The following CDKAL1 variants were observed in gnomAD, a reference collection of about 807,000 sequenced individuals.
CDKAL1 encodes the protein CDKAL1 threonylcarbamoyladenosine tRNA methylthiotransferase.
CDKAL1 carries 32 observed loss-of-function variants against 68.2 expected under a neutral mutation model. The observed-to-expected ratio is 0.47, with a 90% CI of 0.35 to 0.63. The LOEUF (loss-of-function observed/expected upper bound fraction) is 0.63, where lower values mean the gene tolerates loss of function less well. CDKAL1 is among the 30% of genes least tolerant of loss of function. The probability of loss-of-function intolerance (pLI) is 0.00; values close to 1 mark genes in which losing one functional copy is unlikely to be tolerated. For synonymous variants in CDKAL1, 234 were observed against 244.3 expected (o/e 0.96, Z 0.39); for missense variants, 606 against 696.7 (o/e 0.87, Z 1.47).
intron 4 of CDKAL1, among the ~76,000 whole-genome samples, chr6:20,605,674 A>G (rs997242387): frequency 6.6e-6 from 1 of 152,208 alleles, no homozygotes; most frequent in Admixed American, 6.5e-5. Context: ...AGCCATGCTC[A>G]GTCAAGGGCT....
At chr6:20,728,332 A>G (rs1772747282) in intron 5 of CDKAL1, among the ~76,000 whole-genome samples, 1 of 152,202 alleles carries the variant, frequency 6.6e-6, no homozygotes, top group African/African-American at 2.4e-5. Flanking sequence ...ATCATATATA[A>G]AAGGAAGTTG....
intron 4 of CDKAL1, among the ~76,000 whole-genome samples, chr6:20,556,942 G>A (rs1218489095): frequency 1.3e-5 from 2 of 151,720 alleles, no homozygotes; most frequent in Non-Finnish European, 2.9e-5. Context: ...GGAGGCTGAG[G>A]CAGGAGAATG....
intron 11 of CDKAL1, 77 bp downstream of exon 11, chr6:21,000,449 A>T (rs1767368565): frequency 7.8e-7 from 1 of 1,274,858 alleles, no homozygotes; most frequent in Non-Finnish European, 1.1e-6. Context: ...CACTTATTGC[A>T]GCCTTACAAT....
intron 5 of CDKAL1, among the ~76,000 whole-genome samples, chr6:20,687,362 C>A (rs1770673439): frequency 6.6e-6 from 1 of 151,968 alleles, no homozygotes; most frequent in Non-Finnish European, 1.5e-5. Flanking sequence ...TAGATATAGG[C>A]CTATTCACAT....
chr6:20,708,881 A>G (rs1244379538), intron 5 of CDKAL1, among the ~76,000 whole-genome samples: 2 of 152,066 alleles, frequency 1.3e-5, no homozygotes, highest in Non-Finnish European at 2.9e-5. Flanking sequence ...CTTGAGTGAC[A>G]GAGTTTACCA....
In CDKAL1 at chr6:20,542,718, T is replaced by C. The variant is rs565359808; in HGVS notation, c.-5-3628T>C. ...TGCAAAACTACAATACAATACAGTA[T>C]CACAACCAGGATATTGACATTGATA... On this transcript the variant is annotated intron_variant, in intron 2 of 15. Coordinates refer to ENST00000274695, the MANE Select transcript of CDKAL1 (RefSeq NM_017774.3). 3.3e-5 allele frequency among the ~76,000 whole-genome samples: 5 copies of C among 152,304 alleles called. No individual in the cohort carries two copies. The East Asian group carries it at 5.8e-4, about 18-fold the overall frequency.
intron 5 of CDKAL1, among the ~76,000 whole-genome samples, chr6:20,720,862 T>C (rs1772317536): frequency 1.3e-5 from 2 of 152,242 alleles, no homozygotes; most frequent in Non-Finnish European, 2.9e-5. Context: ...ATATGTGATA[T>C]TTGTCTTTTT....
intron 4 of CDKAL1, among the ~76,000 whole-genome samples, chr6:20,561,247 G>A (rs1464450068): frequency 6.6e-6 from 1 of 151,864 alleles, no homozygotes; most frequent in Non-Finnish European, 1.5e-5. Context: ...TTCGAGACCA[G>A]CCTGGCCAAC....
At chr6:21,181,255 A>G (rs971462051) in intron 13 of CDKAL1, among the ~76,000 whole-genome samples, 1 of 152,224 alleles carries the variant, frequency 6.6e-6, no homozygotes, top group Non-Finnish European at 1.5e-5. Flanking sequence ...CACTCTTACA[A>G]TGGCACTTAA....
intron 7 of CDKAL1, among the ~76,000 whole-genome samples, chr6:20,770,663 T>C (rs1278063860): frequency 2.6e-5 from 4 of 152,204 alleles, no homozygotes; most frequent in African/African-American, 9.6e-5. Flanking sequence ...TCATACATTA[T>C]TTTTAGGAGC....
chr6:20,965,922 C>T (rs779021253), intron 10 of CDKAL1, among the ~76,000 whole-genome samples: 2 of 152,216 alleles, frequency 1.3e-5, no homozygotes, highest in Non-Finnish European at 1.5e-5. Context: ...AGGCAATCCA[C>T]GTAGTTTCCT....
chr6:20,665,514 A>C (rs1769492034), intron 5 of CDKAL1, among the ~76,000 whole-genome samples: 1 of 152,122 alleles, frequency 6.6e-6, no homozygotes, highest in African/African-American at 2.4e-5. Context: ...TTGGTGATCT[A>C]GTGATGCACC....
At chr6:21,026,370 C>T (rs1036472558) in intron 11 of CDKAL1, among the ~76,000 whole-genome samples, 1 of 152,000 alleles carries the variant, frequency 6.6e-6, no homozygotes, top group South Asian at 2.1e-4. Context: ...GATTTGGAGT[C>T]AAGAAATAAG....
At chr6:20,536,965 T>A (rs1763197956) in intron 2 of CDKAL1, among the ~76,000 whole-genome samples, 1 of 152,204 alleles carries the variant, frequency 6.6e-6, no homozygotes, top group Admixed American at 6.5e-5. Context: ...TAAAAGATAT[T>A]GATGCCCAGG....
At chr6:21,111,863 CCTT>C (rs1469794932) in intron 13 of CDKAL1, among the ~76,000 whole-genome samples, 2 of 152,136 alleles carry the variant, frequency 1.3e-5, no homozygotes, top group African/African-American at 4.8e-5. Flanking sequence ...ATTTATCTGT[CCTT>C]CTAAAAGAGA....
chr6:21,143,931 T>C (rs1275565546), intron 13 of CDKAL1, among the ~76,000 whole-genome samples: 1 of 152,068 alleles, frequency 6.6e-6, no homozygotes, highest in African/African-American at 2.4e-5. Context: ...CTGAGTAGCC[T>C]GCCATTCTGC....
intron 15 of CDKAL1, among the ~76,000 whole-genome samples, chr6:21,204,283 A>G (rs1366648321): frequency 6.6e-6 from 1 of 152,180 alleles, no homozygotes; most frequent in Non-Finnish European, 1.5e-5. Flanking sequence ...CCACATACCT[A>G]TTACCCACCC....
intron 13 of CDKAL1, among the ~76,000 whole-genome samples, chr6:21,166,412 G>A (rs1434823497): frequency 6.6e-6 from 1 of 152,188 alleles, no homozygotes; most frequent in Admixed American, 6.5e-5. Flanking sequence ...AGAGGGAAAG[G>A]TAGGGTGAGT....
chr6:20,921,725 C>A (rs1345535878), intron 9 of CDKAL1, among the ~76,000 whole-genome samples: 1 of 152,202 alleles, frequency 6.6e-6, no homozygotes, highest in Non-Finnish European at 1.5e-5. Context: ...CACTTCATTT[C>A]ATTGCCTATT....
Sources: allele counts gnomAD v4.1 joint callset (sites outside exome capture counted in the v4.1 genomes callset), GRCh38; gene constraint gnomAD v4.1.1; transcripts MANE v1.5; gene names NCBI Gene and HGNC (gene_info 2026-07-23, HGNC 2026-07-21).